BCAS3: variants seen among roughly 807,000 people sequenced by gnomAD.
BCAS3 encodes BCAS3 microtubule associated cell migration factor, also known as BCAS4/BCAS3 fusion.
Under a neutral mutation model 116.1 loss-of-function variants are expected in BCAS3, and 53 were observed. That is an observed-to-expected ratio of 0.46 (90% CI 0.37 to 0.57). BCAS3 has a LOEUF of 0.57. BCAS3 is among the 20% of genes least tolerant of loss of function. The probability of loss-of-function intolerance (pLI) is 0.00; values close to 1 mark genes in which losing one functional copy is unlikely to be tolerated. For missense variants in BCAS3, 917 were observed against 1,165.4 expected (o/e 0.79, Z 3.10); for synonymous variants, 391 against 408.2 (o/e 0.96, Z 0.51).
chr17:61,090,410 C>A (rs1012378873), intron 22 of BCAS3, among the ~76,000 whole-genome samples: 2 of 152,166 alleles, frequency 1.3e-5, no homozygotes, highest in African/African-American at 4.8e-5. Context: ...CAGCCCTGAC[C>A]TGTGAACAAT....
intron 9 of BCAS3, among the ~76,000 whole-genome samples, chr17:60,886,854 C>T (rs545095861): frequency 1.3e-5 from 2 of 150,956 alleles, no homozygotes; most frequent in South Asian, 4.2e-4. Flanking sequence ...TCAAAGCTGT[C>T]AGACAGGGAC....
chr17:60,711,810 T>C (rs1598227097), intron 5 of BCAS3, among the ~76,000 whole-genome samples: 2 of 152,050 alleles, frequency 1.3e-5, no homozygotes, highest in East Asian at 3.9e-4. Context: ...CCCAGCACTT[T>C]GGGAGGCTGA....
chr17:60,800,107 G>C (rs1027864523), intron 6 of BCAS3, among the ~76,000 whole-genome samples: 2 of 152,082 alleles, frequency 1.3e-5, no homozygotes. Context: ...TACTGTGATT[G>C]CTGGGATGTT....
chr17:61,341,764 C>T (rs2057172862), intron 22 of BCAS3, among the ~76,000 whole-genome samples: 2 of 152,196 alleles, frequency 1.3e-5, no homozygotes, highest in African/African-American at 4.8e-5. Context: ...AAGATGGGTT[C>T]AGGGAGTGGC....
At position 61,028,958 on chromosome 17, in the gene BCAS3, C is replaced by G. The variant is rs1388385763; in HGVS notation, c.1638-5708C>G. Among the ~76,000 whole-genome samples, 1 of 151,822 alleles carries G rather than the reference C, an allele frequency of 6.6e-6. No individual in the cohort carries two copies. The highest frequency in any genetic ancestry group is 1.5e-5 in the Non-Finnish European group (1 of 67,814). On this transcript the variant is annotated intron_variant, in intron 16 of 23. Transcript: ENST00000407086. This position sits in a 1 kb window ranked among gnomAD's most constrained non-coding sequence, Gnocchi z 4.3. ...AGGCAGCAAATGAATATAAATTTGA[C>G]AACTTCTTCCATTTTGTTTATAAGA...
At chr17:61,292,157 GAACTTGGCAC>G (rs1318240801) in intron 22 of BCAS3, among the ~76,000 whole-genome samples, 1 of 152,096 alleles carries the variant, frequency 6.6e-6, no homozygotes, top group Non-Finnish European at 1.5e-5. Context: ...GAGAAATGCA[GAACTTGGCAC>G]CCACCCACGC....
rs1226794626 is a variant in BCAS3, at chr17:61,354,232, C to G, written c.2426-14095C>G. 1 of 152,218 alleles carries G rather than the reference C, an allele frequency of 6.6e-6. No homozygotes were observed. The highest frequency in any genetic ancestry group is 1.5e-5 in the Non-Finnish European group (1 of 68,060). The allele number at this position is 152,218 out of a possible 1,614,324, so 9.4% of individuals were successfully genotyped here. Reference sequence around the variant, plus strand: ...TTCCTCATCTATGAAATGGAGTTGACAGCATCTGTCCTGCCTGTGGTAAAA... The same window carrying G: ...TTCCTCATCTATGAAATGGAGTTGAGAGCATCTGTCCTGCCTGTGGTAAAA... On this transcript the variant is annotated intron_variant, in intron 22 of 23. Coordinates refer to ENST00000407086, the MANE Select transcript of BCAS3 (RefSeq NM_017679.5). This position sits in a 1 kb window ranked among gnomAD's most constrained non-coding sequence, Gnocchi z 4.5.
chr17:60,683,462 C>T lies in BCAS3; in HGVS notation c.84-520C>T, dbSNP rs965177140. On this transcript the variant is annotated intron_variant, in intron 2 of 23. Coordinates refer to ENST00000407086, the MANE Select transcript of BCAS3 (RefSeq NM_017679.5). ...ATAACATATATAAAGACCCATGAAACGAGAAAGTAGTTTAGCAGAAATATC... is the reference window on the plus strand; with the variant it reads ...ATAACATATATAAAGACCCATGAAATGAGAAAGTAGTTTAGCAGAAATATC... Among the ~76,000 whole-genome samples, 5 of 125,760 alleles carry T rather than the reference C, an allele frequency of 4.0e-5. No individual in the cohort carries two copies. The Admixed American group carries it at 4.1e-4, about 10-fold the overall frequency. 82.5% of individuals were successfully genotyped at this position (125,760 alleles called of 152,430 possible). A position where few individuals can be genotyped will look rare whatever the true frequency, so the allele number is the denominator to read the frequency against.
At chr17:61,089,381 T>G (rs1355490696) in intron 22 of BCAS3, among the ~76,000 whole-genome samples, 1 of 151,916 alleles carries the variant, frequency 6.6e-6, no homozygotes, top group African/African-American at 2.4e-5. Context: ...GTTTTTGTTT[T>G]GTCTTGCAGT....
chr17:61,193,340 GA>G (rs926699161), intron 22 of BCAS3, among the ~76,000 whole-genome samples: 2 of 152,012 alleles, frequency 1.3e-5, no homozygotes, highest in Admixed American at 1.3e-4. Flanking sequence ...AACATATAGA[GA>G]AAAAATTACT....
rs941473218 is a variant in BCAS3, at chr17:61,265,627, T to C, written c.2426-102700T>C. On this transcript the variant is annotated intron_variant, in intron 22 of 23. Coordinates refer to ENST00000407086, the MANE Select transcript of BCAS3 (RefSeq NM_017679.5). This position sits in a 1 kb window ranked among gnomAD's most constrained non-coding sequence, Gnocchi z 4.3. The stretch of plus-strand genomic sequence containing the variant: ...AAGGATTGCCAATTCATGCCCAAAC[T>C]TAGTGAAGCAAGCTCACTTGATAAA... Among the ~76,000 whole-genome samples the C allele has an allele frequency of 6.6e-6, 1 of 152,334 alleles. No homozygotes were observed. The highest frequency in any genetic ancestry group is 3.4e-3 in the Middle Eastern group (1 of 294).
At chr17:61,230,206 T>C (rs1037514884) in intron 22 of BCAS3, among the ~76,000 whole-genome samples, 3 of 152,188 alleles carry the variant, frequency 2.0e-5, no homozygotes, top group African/African-American at 4.8e-5. Context: ...ATGTATACTT[T>C]GTTTTAATAT....
chr17:60,765,097 C>G (rs186014832), intron 6 of BCAS3, among the ~76,000 whole-genome samples: 1 of 152,224 alleles, frequency 6.6e-6, no homozygotes, highest in East Asian at 1.9e-4. Context: ...TGCATGTGAG[C>G]TGGGTCTCCT....
At chr17:61,185,319 T>C (rs879337504) in intron 22 of BCAS3, among the ~76,000 whole-genome samples, 2 of 152,154 alleles carry the variant, frequency 1.3e-5, no homozygotes, top group Admixed American at 1.3e-4. Flanking sequence ...AAAATTTTAT[T>C]TGAATGTATA....
At chr17:60,830,149 G>A (rs547387179) in intron 7 of BCAS3, among the ~76,000 whole-genome samples, 2 of 152,154 alleles carry the variant, frequency 1.3e-5, no homozygotes, top group Admixed American at 1.3e-4. Context: ...ATACCACCAC[G>A]CCCGGCTAAT....
At chr17:61,292,225 G>A (rs1049459192) in intron 22 of BCAS3, among the ~76,000 whole-genome samples, 3 of 152,090 alleles carry the variant, frequency 2.0e-5, no homozygotes, top group Admixed American at 6.6e-5. Context: ...CTTTAGATGA[G>A]TTCCAACCCC....
chr17:61,190,526 CAAA>C (rs71148387), intron 22 of BCAS3, among the ~76,000 whole-genome samples: 2 of 43,894 alleles, frequency 4.6e-5, no homozygotes, highest in African/African-American at 1.2e-4. Context: ...GACTCCATCT[CAAA>C]AAAAAAAAAA....
chr17:60,689,605 C>T lies in BCAS3; in HGVS notation c.139-81C>T, dbSNP rs924009593. 3 of 1,037,814 alleles carry T rather than the reference C, an allele frequency of 2.9e-6. No homozygotes were observed. In the African/African-American group the frequency reaches 4.8e-5, roughly 17 times the overall value. The allele number at this position is 1,037,814 out of a possible 1,614,324, so 64.3% of individuals were successfully genotyped here. ...TGAAGTTGGAGAGGTATAGTGTTGG[C>T]TTTAAGTCACTTTGTTTTGAACATC... On this transcript the variant is annotated intron_variant, in intron 3 of 23. Coordinates refer to ENST00000407086, the MANE Select transcript of BCAS3 (RefSeq NM_017679.5).
chr17:60,726,654 T>C (rs972206035), intron 5 of BCAS3, among the ~76,000 whole-genome samples: 6 of 151,948 alleles, frequency 3.9e-5, no homozygotes, highest in African/African-American at 9.7e-5. Context: ...GGACTACAGA[T>C]GCCCGCCATC....
Sources: gnomAD v4.1 joint callset for allele counts (sites outside exome capture counted in the v4.1 genomes callset) on GRCh38, gnomAD v4.1.1 for gene constraint, Gnocchi (gnomAD v3.1) non-coding constraint, MANE v1.5 for transcripts, NCBI Gene and HGNC (gene_info 2026-07-23, HGNC 2026-07-21) for gene names.